Variants in ST6GALNAC3 observed in about 807,000 individuals in gnomAD.
ST6GALNAC3 encodes alpha-N-acetylgalactosaminide alpha-2,6-sialyltransferase 3.
Under a neutral mutation model 32.7 loss-of-function variants are expected in ST6GALNAC3, and 25 were observed. The observed-to-expected ratio is 0.76, with a 90% CI of 0.56 to 1.07. ST6GALNAC3 has a LOEUF of 1.07. Ranked by LOEUF, ST6GALNAC3 falls within the 50% of genes least tolerant of loss-of-function variation. The probability of loss-of-function intolerance (pLI) is 0.00; values close to 1 mark genes in which losing one functional copy is unlikely to be tolerated. For synonymous variants in ST6GALNAC3, 129 were observed against 133.1 expected, an observed-to-expected ratio of 0.97 and a Z score of 0.21; for missense variants, 355 against 382.4, an observed-to-expected ratio of 0.93 and a Z score of 0.60.
At chr1:76,133,062 A>T (rs984401220) in intron 1 of ST6GALNAC3, among the ~76,000 whole-genome samples, 21 of 152,086 alleles carry the variant, frequency 1.4e-4, no homozygotes, top group Admixed American at 1.2e-3. Flanking sequence ...GATGTAGGTG[A>T]AAATATGCTA....
At chr1:76,076,412 C>G (rs1441004886) in intron 1 of ST6GALNAC3, among the ~76,000 whole-genome samples, 1 of 152,194 alleles carries the variant, frequency 6.6e-6, no homozygotes, top group Non-Finnish European at 1.5e-5. Context: ...ACCTTATCTT[C>G]CCTCCACTGA....
intron 1 of ST6GALNAC3, among the ~76,000 whole-genome samples, chr1:76,126,632 T>C (rs1161238096): frequency 6.6e-6 from 1 of 152,186 alleles, no homozygotes; most frequent in Non-Finnish European, 1.5e-5. Context: ...GAACAGAGTG[T>C]GGGCTTTGGA....
rs543767515 is a variant in ST6GALNAC3 at position 76,556,540 on chromosome 1, C to T, written c.624-70912C>T. ...TCTGATTTCTCCATATCTTAGCCAA[C>T]TCTTGTTATTATCTATCATTCTGAT... is the stretch of plus-strand genomic sequence containing the variant. On this transcript the variant is annotated intron_variant, in intron 3 of 4. Transcript: ENST00000328299. Among the ~76,000 whole-genome samples, 6 of 152,142 alleles carry T rather than the reference C, an allele frequency of 3.9e-5. No individual in the cohort carries two copies. The South Asian group carries it at 6.2e-4, about 16-fold the overall frequency.
intron 2 of ST6GALNAC3, among the ~76,000 whole-genome samples, chr1:76,350,593 A>G (rs1422183248): frequency 2.6e-5 from 4 of 152,198 alleles, no homozygotes. Context: ...TAAGATGGGT[A>G]AATGTGTGAA....
intron 2 of ST6GALNAC3, among the ~76,000 whole-genome samples, chr1:76,333,383 C>T (rs1647240049): frequency 6.6e-6 from 1 of 152,136 alleles, no homozygotes; most frequent in African/African-American, 2.4e-5. Flanking sequence ...AGTGAGGTCT[C>T]AATGACTGGA....
chr1:76,448,619 G>A (rs984848163), intron 3 of ST6GALNAC3, among the ~76,000 whole-genome samples: 1 of 152,096 alleles, frequency 6.6e-6, no homozygotes, highest in Non-Finnish European at 1.5e-5. Context: ...TTCCCTGTGG[G>A]AGCATGGTTT....
At chr1:76,294,323 G>A (rs1408076642) in intron 1 of ST6GALNAC3, among the ~76,000 whole-genome samples, 3 of 151,750 alleles carry the variant, frequency 2.0e-5, no homozygotes, top group Non-Finnish European at 4.4e-5. Context: ...AAAAGCACTG[G>A]GAAACAGTTT....
intron 3 of ST6GALNAC3, among the ~76,000 whole-genome samples, chr1:76,539,467 A>G (rs1197061101): frequency 6.6e-6 from 1 of 152,232 alleles, no homozygotes; most frequent in Non-Finnish European, 1.5e-5. Flanking sequence ...CAAAGACTTC[A>G]TGATAAAAAT....
chr1:76,141,605 A>G (rs144445815), intron 1 of ST6GALNAC3, among the ~76,000 whole-genome samples: 5 of 152,336 alleles, frequency 3.3e-5, no homozygotes, highest in African/African-American at 1.2e-4. Flanking sequence ...CTTATAGCAA[A>G]AAAAGCATGT....
intron 3 of ST6GALNAC3, among the ~76,000 whole-genome samples, chr1:76,476,700 G>A (rs1365538570): frequency 1.3e-5 from 2 of 152,132 alleles, no homozygotes; most frequent in African/African-American, 4.8e-5. Flanking sequence ...CAGAGGAGCA[G>A]TTTGAATACA....
intron 3 of ST6GALNAC3, among the ~76,000 whole-genome samples, chr1:76,416,367 A>G (rs1475015058): frequency 1.3e-5 from 2 of 152,080 alleles, no homozygotes; most frequent in African/African-American, 4.8e-5. Flanking sequence ...AGTTATTAGA[A>G]CTTTTTAGCA....
chr1:76,505,042 A>G (rs925865818), intron 3 of ST6GALNAC3, among the ~76,000 whole-genome samples: 9 of 152,044 alleles, frequency 5.9e-5, no homozygotes, highest in African/African-American at 1.9e-4. Context: ...ACAATTCTCT[A>G]TTAGTTAATG....
chr1:76,545,246 GTCCTA>G (rs1664220598), intron 3 of ST6GALNAC3, among the ~76,000 whole-genome samples: 1 of 152,172 alleles, frequency 6.6e-6, no homozygotes, highest in Non-Finnish European at 1.5e-5. Context: ...CATCCGTTCT[GTCCTA>G]TCCTACATTG....
chr1:76,445,999 A>T (rs574591578), intron 3 of ST6GALNAC3, among the ~76,000 whole-genome samples: 5 of 152,260 alleles, frequency 3.3e-5, no homozygotes, highest in African/African-American at 9.6e-5. Context: ...ATGTCTCTCA[A>T]CACCTTCTTT....
At chr1:76,307,355 A>G (rs1661124253) in intron 1 of ST6GALNAC3, among the ~76,000 whole-genome samples, 1 of 152,172 alleles carries the variant, frequency 6.6e-6, no homozygotes, top group African/African-American at 2.4e-5. Context: ...ACTTTGTGCA[A>G]ATGGAAAGAA....
rs376023837 is a variant in ST6GALNAC3, at chr1:76,106,465, C to A, written c.18+31581C>A. Among the ~76,000 whole-genome samples, 57 of 152,312 alleles carry A rather than the reference C, an allele frequency of 3.7e-4. 3 individuals carry two copies. The highest frequency in any genetic ancestry group is 1.2e-3 in the African/African-American group (50 of 41,572). ...CAATGCTGCTGGGACTTTGAGCTCG[C>A]TGAGGCAGTCTAAGGCTGTGCTTTG... On this transcript the variant is annotated intron_variant, in intron 1 of 4. Coordinates refer to ENST00000328299, the MANE Select transcript of ST6GALNAC3 (RefSeq NM_152996.4).
intron 2 of ST6GALNAC3, among the ~76,000 whole-genome samples, chr1:76,377,232 G>C (rs1027681081): frequency 2.0e-5 from 3 of 152,172 alleles, no homozygotes; most frequent in African/African-American, 7.2e-5. Flanking sequence ...AAAACTGGGG[G>C]CTGTCCAGGA....
At chr1:76,486,893 C>T (rs1416843152) in intron 3 of ST6GALNAC3, among the ~76,000 whole-genome samples, 2 of 152,142 alleles carry the variant, frequency 1.3e-5, no homozygotes, top group Non-Finnish European at 1.5e-5. Flanking sequence ...TTAGTGCTTC[C>T]TTCAGGAGCT....
chr1:76,269,537 C>A (rs1250783929), intron 1 of ST6GALNAC3, among the ~76,000 whole-genome samples: 1 of 152,160 alleles, frequency 6.6e-6, no homozygotes, highest in East Asian at 1.9e-4. Flanking sequence ...ATGGGAATAT[C>A]CTTGGTGATT....
Sources: gnomAD v4.1 joint callset for allele counts (sites outside exome capture counted in the v4.1 genomes callset) on GRCh38, gnomAD v4.1.1 for gene constraint, MANE v1.5 for transcripts, NCBI Gene and HGNC (gene_info 2026-07-23, HGNC 2026-07-21) for gene names.